Variants in BLTP1 observed in about 807,000 individuals in gnomAD.
The protein encoded by BLTP1 is fragile site-associated protein.
At chr4:122,333,603 A>C in the BLTP1 span, 1 of 1,551,728 alleles carries the variant, frequency 6.4e-7, no homozygotes, top group South Asian at 1.2e-5. Flanking sequence ...TTTTTTAAAA[A>C]GATAAGAACA....
the BLTP1 span, chr4:122,185,534 A>C: frequency 1.6e-6 from 1 of 634,296 alleles, no homozygotes; most frequent in Non-Finnish European, 2.0e-6. Flanking sequence ...TTATTTGAGA[A>C]GATTGAAGTC....
At chr4:122,327,413 GTAT>G in the BLTP1 span, among the ~76,000 whole-genome samples, 1 of 151,596 alleles carries the variant, frequency 6.6e-6, no homozygotes, top group African/African-American at 2.4e-5. Context: ...TCTTTTATAT[GTAT>G]TATTTTTTAT....
chr4:122,190,215 G>A, the BLTP1 span: 2 of 1,174,436 alleles, frequency 1.7e-6, no homozygotes, highest in South Asian at 1.7e-5. Flanking sequence ...TCCTACTTCA[G>A]CCTCCTGAGT....
At chr4:122,343,460 C>G in the BLTP1 span, 4 of 1,614,024 alleles carry the variant, frequency 2.5e-6, no homozygotes, top group Non-Finnish European at 3.4e-6. Context: ...TAGTAGTAGT[C>G]AGTCAGACCT....
chr4:122,234,678 A>G, the BLTP1 span: 7 of 1,279,508 alleles, frequency 5.5e-6, no homozygotes, highest in Non-Finnish European at 6.3e-6. Flanking sequence ...AATATTTACA[A>G]TTAACTTATA....
chr4:122,187,455 A>G, the BLTP1 span: 2 of 1,612,160 alleles, frequency 1.2e-6, no homozygotes, highest in Non-Finnish European at 1.7e-6. Context: ...CAGAATCCCA[A>G]GACCCCACAT....
At chr4:122,242,840 T>A in the BLTP1 span, 3 of 180,456 alleles carry the variant, frequency 1.7e-5, no homozygotes, top group Non-Finnish European at 3.2e-5. Flanking sequence ...AAACTGCCAA[T>A]TGAATATATT....
At chr4:122,258,615 C>A in the BLTP1 span, 3 of 1,453,380 alleles carry the variant, frequency 2.1e-6, no homozygotes, top group South Asian at 4.6e-5. Flanking sequence ...AGTTGAGTGT[C>A]ATTATATAAC....
chr4:122,232,195 G>A, the BLTP1 span: 1 of 830,684 alleles, frequency 1.2e-6, no homozygotes, highest in Non-Finnish European at 1.5e-6. Context: ...TAACAAGTTA[G>A]CTGTTACAAT....
the BLTP1 span, among the ~76,000 whole-genome samples, chr4:122,345,487 C>CA: frequency 6.6e-6 from 1 of 151,798 alleles, no homozygotes; most frequent in South Asian, 2.1e-4. Flanking sequence ...TATAAGTGAA[C>CA]ATTTAATTGG....
the BLTP1 span, chr4:122,194,621 G>A: frequency 1.1e-5 from 11 of 979,300 alleles, no homozygotes; most frequent in Middle Eastern, 5.3e-4. Flanking sequence ...TATTGTTTGC[G>A]AAGAAAAAAT....
the BLTP1 span, chr4:122,331,121 A>G: frequency 1.0e-6 from 1 of 955,636 alleles, no homozygotes; most frequent in Non-Finnish European, 1.2e-6. Context: ...CTGTGTCCTC[A>G]TCACCTAGCA....
chr4:122,313,538 C>T, the BLTP1 span: 6 of 928,130 alleles, frequency 6.5e-6, no homozygotes, highest in African/African-American at 6.9e-5. Context: ...TGTATTTAGA[C>T]AATAATCTTG....
At chr4:122,263,541 G>T in the BLTP1 span, 1 of 1,613,118 alleles carries the variant, frequency 6.2e-7, no homozygotes. Context: ...GTGGGTAATC[G>T]AGGAAGTGTG....
chr4:122,328,777 T>C, the BLTP1 span: 1 of 981,774 alleles, frequency 1.0e-6, no homozygotes, highest in Non-Finnish European at 1.2e-6. Flanking sequence ...AGCAAATTCT[T>C]AGAAGAAAGA....
At chr4:122,221,401 CTT>C in the BLTP1 span, among the ~76,000 whole-genome samples, 1 of 152,086 alleles carries the variant, frequency 6.6e-6, no homozygotes, top group Non-Finnish European at 1.5e-5. Flanking sequence ...TGGTTTTAAA[CTT>C]TTATTTTGAA....
chr4:122,260,682 G>C, the BLTP1 span, among the ~76,000 whole-genome samples: 1 of 151,932 alleles, frequency 6.6e-6, no homozygotes, highest in Non-Finnish European at 1.5e-5. Flanking sequence ...TCAAAATTTA[G>C]AAGGTGATGC....
the BLTP1 span, chr4:122,204,603 T>G: frequency 3.1e-6 from 3 of 982,950 alleles, no homozygotes; most frequent in Non-Finnish European, 3.6e-6. Flanking sequence ...GGTTAGTTTT[T>G]CCTTAGCAGA....
the BLTP1 span, chr4:122,226,005 A>G: frequency 6.6e-6 from 1 of 152,320 alleles, no homozygotes; most frequent in African/African-American, 2.4e-5. Context: ...AAATCTTGGC[A>G]TCACTGTTTG....
Sources: allele counts gnomAD v4.1 joint callset (sites outside exome capture counted in the v4.1 genomes callset), GRCh38; gene constraint gnomAD v4.1.1; transcripts MANE v1.5; gene names NCBI Gene and HGNC (gene_info 2026-07-23, HGNC 2026-07-21).